Variants in MAP3K13 observed in about 807,000 individuals in gnomAD.
MAP3K13 encodes the protein leucine zipper-bearing kinase.
Under a neutral mutation model 104.0 loss-of-function variants are expected in MAP3K13, and 52 were observed. The ratio of observed to expected loss-of-function variants is 0.50; its 90% CI spans 0.40 to 0.63. MAP3K13 has a LOEUF of 0.63. Ranked by LOEUF, MAP3K13 falls within the 20% of genes least tolerant of loss-of-function variation. The pLI is 0.00. For missense variants in MAP3K13, 914 were observed against 1,218.5 expected (o/e 0.75, Z 3.72); for synonymous variants, 394 against 442.2 (o/e 0.89, Z 1.37).
intron 1 of MAP3K13, among the ~76,000 whole-genome samples, chr3:185,373,471 G>A (rs772573922): frequency 2.0e-5 from 3 of 152,180 alleles, no homozygotes; most frequent in South Asian, 2.1e-4. Context: ...AGGAAACCCC[G>A]ACTCTGCTAA....
intron 2 of MAP3K13, among the ~76,000 whole-genome samples, chr3:185,289,880 A>C (rs1315378911): frequency 6.6e-6 from 1 of 152,198 alleles, no homozygotes; most frequent in Non-Finnish European, 1.5e-5. Context: ...AGTCGGACAG[A>C]TATTTTGGCA....
At chr3:185,454,592 A>AGATATATAT (rs1716204643) in intron 7 of MAP3K13, among the ~76,000 whole-genome samples, 2 of 67,742 alleles carry the variant, frequency 3.0e-5, no homozygotes, top group Admixed American at 2.2e-4. Context: ...TATGATATAT[A>AGATATATAT]GATATATATG....
rs1436260596 is a variant in MAP3K13 at position 185,340,000 on chromosome 3, T to A, written c.-86+54357T>A. ...ACCTTTAATTATTTCTTTTCCTTTT[T>A]TTTTTTGTCAAAATATATTTGGTAA... On this transcript the variant is annotated intron_variant, in intron 2 of 14. Transcript: ENST00000424227. Among the ~76,000 whole-genome samples, 4 of 152,188 alleles carry A rather than the reference T, an allele frequency of 2.6e-5. No individual in the cohort carries two copies. The South Asian group carries it at 6.2e-4, about 24-fold the overall frequency.
intron 10 of MAP3K13, among the ~76,000 whole-genome samples, chr3:185,471,490 A>C (rs1717786994): frequency 8.9e-6 from 1 of 112,908 alleles, no homozygotes. Context: ...ATGGAGTCTC[A>C]CTCTTGTTAC....
At chr3:185,395,381 C>T (rs1418215008) in intron 1 of MAP3K13, among the ~76,000 whole-genome samples, 1 of 954 alleles carries the variant, frequency 1.0e-3, no homozygotes. Context: ...TTTTTTGAGA[C>T]GGAGTCTCGC....
intron 2 of MAP3K13, among the ~76,000 whole-genome samples, chr3:185,299,261 A>G (rs13098079): frequency 0.79 from 119,714 of 151,770 alleles, 47,550 homozygotes; most frequent in Non-Finnish European, 0.84. Flanking sequence ...TTGGCAGAGC[A>G]TAGGAGGAAG....
At chr3:185,335,571 G>C (rs1259879164) in intron 2 of MAP3K13, among the ~76,000 whole-genome samples, 1 of 152,130 alleles carries the variant, frequency 6.6e-6, no homozygotes, top group Non-Finnish European at 1.5e-5. Context: ...TTGTCCCTCA[G>C]TATCGGTGGA....
intron 3 of MAP3K13, among the ~76,000 whole-genome samples, chr3:185,440,661 A>T (rs1715274738): frequency 6.6e-6 from 1 of 152,200 alleles, no homozygotes; most frequent in South Asian, 2.1e-4. Flanking sequence ...GAAAATGAAG[A>T]CTAATTATAC....
chr3:185,389,516 T>C (rs1162989685), intron 1 of MAP3K13, among the ~76,000 whole-genome samples: 2 of 151,948 alleles, frequency 1.3e-5, no homozygotes, highest in African/African-American at 2.4e-5. Flanking sequence ...TGTCTAACCA[T>C]GTAAAAAAGA....
intron 2 of MAP3K13, among the ~76,000 whole-genome samples, chr3:185,304,849 G>T (rs1414675336): frequency 3.3e-5 from 5 of 152,166 alleles, no homozygotes; most frequent in Non-Finnish European, 7.3e-5. Flanking sequence ...GGCCAAGATG[G>T]TCTCAATCTC....
chr3:185,382,631 A>T (rs1002486049), intron 1 of MAP3K13, among the ~76,000 whole-genome samples: 13 of 152,136 alleles, frequency 8.5e-5, no homozygotes, highest in African/African-American at 2.9e-4. Context: ...CAGATCCCTC[A>T]TGAAGAGCTT....
chr3:185,373,831 T>C (rs1410777718), intron 1 of MAP3K13, among the ~76,000 whole-genome samples: 64 of 106,558 alleles, frequency 6.0e-4, no homozygotes, highest in Admixed American at 2.2e-3. Flanking sequence ...GGATTTTTTT[T>C]TTTTTTTTTT....
chr3:185,379,292 G>A (rs1402531828), intron 1 of MAP3K13, among the ~76,000 whole-genome samples: 1 of 152,234 alleles, frequency 6.6e-6, no homozygotes, highest in Non-Finnish European at 1.5e-5. Context: ...AGACGCCGGA[G>A]TTTTGGGTCC....
At chr3:185,386,082 A>C (rs1416881339) in intron 1 of MAP3K13, among the ~76,000 whole-genome samples, 8 of 152,148 alleles carry the variant, frequency 5.3e-5, no homozygotes, top group Admixed American at 1.3e-4. Context: ...CAAATCAATA[A>C]ATGTGATACC....
At chr3:185,407,368 ACACT>A (rs1164049093) in intron 1 of MAP3K13, among the ~76,000 whole-genome samples, 2 of 152,160 alleles carry the variant, frequency 1.3e-5, no homozygotes. Flanking sequence ...TCATTTGGAA[ACACT>A]CAGGGGTACC....
rs1287283989 is a variant in MAP3K13 at position 185,484,089 on chromosome 3, C to T, written c.*1633C>T. The T allele has an allele frequency of 2.0e-5, 3 of 152,198 alleles. No individual in the cohort carries two copies. Among genetic ancestry groups the T allele is most frequent in the Non-Finnish European group, 4.4e-5 (3 of 68,038 alleles). The allele number at this position is 152,198 out of a possible 1,614,324, so 9.4% of individuals were successfully genotyped here. A position where few individuals can be genotyped will look rare whatever the true frequency, so the allele number is the denominator to read the frequency against. ...AAGCAGCTTGCAAAAGGCAACTCCT[C>T]TCCCAGCACAATAGCATTTTTGTTC... On this transcript the variant is annotated 3_prime_UTR_variant, in exon 14 of 14. Coordinates refer to ENST00000265026, the MANE Select transcript of MAP3K13 (RefSeq NM_004721.5).
intron 2 of MAP3K13, among the ~76,000 whole-genome samples, chr3:185,346,987 GTTT>G (rs201877429): frequency 7.8e-6 from 1 of 127,678 alleles, no homozygotes. Context: ...CACAAAGGAA[GTTT>G]TTTTTTTTTT....
rs1560118249 is a variant in MAP3K13, at chr3:185,455,057, G to GATATATATA, written c.1278+3662_1278+3663insATATATATA. Reference sequence around the variant, plus strand: ...TATATGATATATATATGAGATATATGTGAGATATATATGAGATATATGTGA... The same window carrying GATATATATA: ...TATATGATATATATATGAGATATATGATATATATATGAGATATATATGAGATATATGTGA... On this transcript the variant is annotated intron_variant, in intron 7 of 13. Coordinates refer to ENST00000265026, the MANE Select transcript of MAP3K13 (RefSeq NM_004721.5). Among the ~76,000 whole-genome samples the GATATATATA allele has an allele frequency of 2.9e-4, 26 of 89,190 alleles. 3 individuals carry two copies. The highest frequency in any genetic ancestry group is 1.4e-3 in the East Asian group (4 of 2,868). The allele number at this position is 89,190 out of a possible 152,430, so 58.5% of individuals were successfully genotyped here.
chr3:185,292,582 A>G lies in MAP3K13; in HGVS notation c.-86+6939A>G, dbSNP rs963938729. ...GTTGTTGTGAGGATCAAATGAAATA[A>G]TGTACATGAAAAGACATATATAAAA... On this transcript the variant is annotated intron_variant, in intron 2 of 14. Transcript: ENST00000424227. The G allele has an allele frequency of 9.2e-6, 8 of 868,570 alleles. 1 individual carries two copies. In the African/African-American group the frequency reaches 1.5e-4, roughly 16 times the overall value. The allele number at this position is 868,570 out of a possible 1,614,324, so 53.8% of individuals were successfully genotyped here.
Sources: gnomAD v4.1 joint callset for allele counts (sites outside exome capture counted in the v4.1 genomes callset) on GRCh38, gnomAD v4.1.1 for gene constraint, MANE v1.5 for transcripts, NCBI Gene and HGNC (gene_info 2026-07-23, HGNC 2026-07-21) for gene names.